The following ADCY8 variants were observed in gnomAD, a reference collection of about 807,000 sequenced individuals.
The protein encoded by ADCY8 is adenylate cyclase 8, also known as adenylate cyclase type 8.
In ADCY8, 51 loss-of-function variants were observed where a neutral mutation model predicts 119.7. The ratio of observed to expected loss-of-function variants is 0.43; its 90% CI spans 0.34 to 0.54. ADCY8 has a LOEUF of 0.54. Ranked by LOEUF, ADCY8 falls within the 20% of genes least tolerant of loss-of-function variation. The pLI is 0.03. For missense variants in ADCY8, 1,383 were observed against 1,598.8 expected, an observed-to-expected ratio of 0.87 and a Z score of 2.30; for synonymous variants, 665 against 651.0, an observed-to-expected ratio of 1.02 and a Z score of -0.33.
intron 8 of ADCY8, among the ~76,000 whole-genome samples, chr8:130,876,720 CA>C (rs112945112): frequency 0.17 from 25,726 of 150,966 alleles, 3,400 homozygotes; most frequent in African/African-American, 0.38. Context: ...TGTAGGGGGG[CA>C]GGGGGGAATG....
chr8:130,813,889 T>G (rs1816253286), intron 14 of ADCY8, among the ~76,000 whole-genome samples, 180 bp downstream of exon 14: 1 of 152,184 alleles, frequency 6.6e-6, no homozygotes, highest in Admixed American at 6.5e-5. Context: ...ATATCCATCT[T>G]GTAGATGAGG....
At chr8:130,879,197 C>CT (rs1818674642) in intron 8 of ADCY8, among the ~76,000 whole-genome samples, 1 of 152,156 alleles carries the variant, frequency 6.6e-6, no homozygotes, top group South Asian at 2.1e-4. Flanking sequence ...GAAACATCAC[C>CT]TTCTTGTAAG....
chr8:130,782,288 G>T (rs1249678084), intron 17 of ADCY8, among the ~76,000 whole-genome samples: 2 of 152,174 alleles, frequency 1.3e-5, no homozygotes, highest in East Asian at 1.9e-4. Context: ...TTTAAAATTT[G>T]CAGAGAACTT....
At chr8:131,015,573 A>C (rs1199070315) in intron 1 of ADCY8, among the ~76,000 whole-genome samples, 1 of 152,172 alleles carries the variant, frequency 6.6e-6, no homozygotes, top group African/African-American at 2.4e-5. Context: ...AGAAAGGCTT[A>C]TTGTCTTCCC....
At chr8:130,956,022 A>G (rs1186210983) in intron 2 of ADCY8, among the ~76,000 whole-genome samples, 2 of 152,132 alleles carry the variant, frequency 1.3e-5, no homozygotes, top group African/African-American at 2.4e-5. Context: ...GCATGTGCCT[A>G]TAGTCCCAGA....
intron 2 of ADCY8, among the ~76,000 whole-genome samples, chr8:130,964,496 A>T (rs541869540): frequency 6.6e-6 from 1 of 152,252 alleles, no homozygotes; most frequent in Non-Finnish European, 1.5e-5. Context: ...TGCCCTTTGC[A>T]TGATAATGAA....
rs1309970573 is a variant in ADCY8 at position 130,955,725 on chromosome 8, A to T, written c.1111-3727T>A. ...AACTTTACAACTGCAATCTAAGATG[A>T]CCCATAGTGGGTTTCCTTTTGTGGA... is the stretch of plus-strand genomic sequence containing the variant. On this transcript the variant is annotated intron_variant, in intron 2 of 17. Coordinates refer to ENST00000286355, the MANE Select transcript of ADCY8 (RefSeq NM_001115.3). 2.6e-5 allele frequency among the ~76,000 whole-genome samples: 4 copies of T among 152,212 alleles called. No individual in the cohort carries two copies. The East Asian group carries it at 7.7e-4, about 29-fold the overall frequency.
At chr8:130,965,574 G>A (rs1307997032) in intron 2 of ADCY8, among the ~76,000 whole-genome samples, 2 of 152,146 alleles carry the variant, frequency 1.3e-5, no homozygotes, top group African/African-American at 4.8e-5. Context: ...ACCTCATTAA[G>A]TAATGTTATG....
intron 16 of ADCY8, among the ~76,000 whole-genome samples, chr8:130,784,321 C>A (rs906525071): frequency 2.6e-5 from 4 of 152,106 alleles, no homozygotes; most frequent in African/African-American, 9.7e-5. Flanking sequence ...TTAAGGGATA[C>A]ATTTGCTTAC....
chr8:130,801,834 C>A (rs548869832), intron 14 of ADCY8, among the ~76,000 whole-genome samples: 1 of 150,122 alleles, frequency 6.7e-6, no homozygotes, highest in Admixed American at 6.6e-5. Context: ...GATCTTGATT[C>A]TCTTGACTTT....
At chr8:130,790,239 A>G (rs77589013) in intron 15 of ADCY8, among the ~76,000 whole-genome samples, 3,120 of 152,278 alleles carry the variant, frequency 0.02, 110 homozygotes, top group African/African-American at 0.07. Flanking sequence ...TGAATAAGCC[A>G]TGGCACATTT....
intron 3 of ADCY8, among the ~76,000 whole-genome samples, chr8:130,948,803 C>T (rs967990769): frequency 6.6e-6 from 1 of 152,076 alleles, no homozygotes; most frequent in African/African-American, 2.4e-5. Flanking sequence ...AGCCAGTTGG[C>T]TTTGTTCTCC....
intron 7 of ADCY8, among the ~76,000 whole-genome samples, chr8:130,888,538 C>T (rs1322676135): frequency 6.6e-6 from 1 of 152,050 alleles, no homozygotes. Flanking sequence ...AATGGAGATT[C>T]GTGCTCTCCT....
chr8:130,919,463 TC>T (rs1479580389), intron 5 of ADCY8, among the ~76,000 whole-genome samples: 7 of 152,150 alleles, frequency 4.6e-5, no homozygotes, highest in Admixed American at 1.3e-4. Flanking sequence ...GTGGCCTCTC[TC>T]CTAGCCTGCA....
chr8:130,909,630 C>T (rs1819911865), intron 6 of ADCY8, 78 bp downstream of exon 6: 1 of 1,544,888 alleles, frequency 6.5e-7, no homozygotes, highest in African/African-American at 1.4e-5. Flanking sequence ...CCCTGAATTT[C>T]TGTACACAGG....
Position 130,898,608 on chromosome 8 carries a change from C to A in ADCY8, c.1911+5164G>T, listed in dbSNP as rs1343913064. On this transcript the variant is annotated intron_variant, in intron 7 of 17. Coordinates refer to ENST00000286355, the MANE Select transcript of ADCY8 (RefSeq NM_001115.3). Reference sequence around the variant, plus strand: ...ACAGAAACATGCCTGGATTCTCAGGCTGTAATAAATGTGAAAGGGATGGAT... The same window carrying A: ...ACAGAAACATGCCTGGATTCTCAGGATGTAATAAATGTGAAAGGGATGGAT... Among the ~76,000 whole-genome samples, 3 of 152,270 alleles carry A rather than the reference C, an allele frequency of 2.0e-5. No individual in the cohort carries two copies. In the East Asian group the frequency reaches 5.8e-4, roughly 29 times the overall value.
chr8:130,807,811 T>C (rs553752155), intron 14 of ADCY8, among the ~76,000 whole-genome samples: 2,917 of 150,500 alleles, frequency 0.019, 87 homozygotes, highest in African/African-American at 0.068. Context: ...GGTGAAACCC[T>C]GTCTCTACTA....
At chr8:130,889,311 G>C (rs1308751006) in intron 7 of ADCY8, among the ~76,000 whole-genome samples, 1 of 152,048 alleles carries the variant, frequency 6.6e-6, no homozygotes, top group Admixed American at 6.6e-5. Context: ...AGTCACTTAA[G>C]TACTTTGTAA....
chr8:130,955,033 G>A (rs923261554), intron 2 of ADCY8, among the ~76,000 whole-genome samples: 4 of 152,132 alleles, frequency 2.6e-5, no homozygotes, highest in African/African-American at 9.7e-5. Context: ...AATATTTATT[G>A]AGAACATACT....
Sources: gnomAD v4.1 joint callset for allele counts (sites outside exome capture counted in the v4.1 genomes callset) on GRCh38, gnomAD v4.1.1 for gene constraint, MANE v1.5 for transcripts, NCBI Gene and HGNC (gene_info 2026-07-23, HGNC 2026-07-21) for gene names.